Variants in DAAM2 observed in about 807,000 individuals in gnomAD.
DAAM2 encodes dishevelled associated activator of morphogenesis 2.
In DAAM2, 39 loss-of-function variants were observed where a neutral mutation model predicts 120.7. The observed-to-expected ratio is 0.32, with a 90% CI of 0.25 to 0.42. DAAM2 has a LOEUF of 0.42. Among genes scored for constraint, DAAM2 ranks in the 10% least tolerant of loss-of-function variants. DAAM2 has a pLI of 1.00. For missense variants in DAAM2, 1,283 were observed against 1,401.7 expected (o/e 0.92, Z 1.35); for synonymous variants, 488 against 524.9 (o/e 0.93, Z 0.96).
chr6:39,799,919 G>A (rs993342148), intron 1 of DAAM2, among the ~76,000 whole-genome samples: 1 of 152,158 alleles, frequency 6.6e-6, no homozygotes, highest in Non-Finnish European at 1.5e-5. Context: ...CAGGATGGAG[G>A]TATTTTGCCT....
chr6:39,804,373 G>A (rs1761949351), intron 1 of DAAM2, among the ~76,000 whole-genome samples: 1 of 140,304 alleles, frequency 7.1e-6, no homozygotes, highest in Non-Finnish European at 1.5e-5. Flanking sequence ...CTTGTTGACT[G>A]TATGTATCAA....
rs2149383698 is a variant in DAAM2 at position 39,901,367 on chromosome 6, C to T, written c.2877C>T (p.Gly959=). ...AGATGCAGCCAGACGAATTCTTTGG[C>T]ATCTTTGATACCTTCTTGCAGGCCT... The part of the protein sequence containing the change: ...DSKMQPDEFF[G]IFDTFLQAFS... Residue 959 remains glycine (G), a synonymous_variant, in exon 24 of 25, where the codon GGC becomes GGT. Coordinates refer to ENST00000274867, the MANE Select transcript of DAAM2 (RefSeq NM_001201427.2). The surrounding 1 kb of genome is among the most constrained non-coding windows in gnomAD (Gnocchi z 4.5). 1 of 1,613,958 alleles carries T rather than the reference C, an allele frequency of 6.2e-7. No individual in the cohort carries two copies. The highest frequency in any genetic ancestry group is 2.2e-5 in the East Asian group (1 of 44,870).
rs911665250 is a variant in DAAM2 at position 39,900,145 on chromosome 6, C to T, written c.2748C>T (p.Phe916=). 1.2e-6 allele frequency: 2 copies of T among 1,604,558 alleles called. No individual in the cohort carries two copies. The highest frequency in any genetic ancestry group is 1.3e-5 in the African/African-American group (1 of 74,714). ...AGTTTGTCCCTGTCATGAGCGACTT[C>T]ATCACGGTGTCCAGCTTCAGCTTCT... ...SDKFVPVMSD[F]ITVSSFSFSE... is the part of the protein sequence containing the mutation. The change falls in exon 23 of 25, where the codon TTC becomes TTT. Residue 916 remains phenylalanine (F), a synonymous_variant. Transcript: ENST00000274867.
chr6:39,832,534 T>G (rs1301608595), intron 1 of DAAM2, among the ~76,000 whole-genome samples: 1 of 152,138 alleles, frequency 6.6e-6, no homozygotes, highest in African/African-American at 2.4e-5. Context: ...AAGTAATTGA[T>G]TCTTATAATG....
chr6:39,876,373 T>G (rs1278971491), intron 11 of DAAM2, among the ~76,000 whole-genome samples: 1 of 152,214 alleles, frequency 6.6e-6, no homozygotes, highest in African/African-American at 2.4e-5. Flanking sequence ...TTCATTTGCA[T>G]AGTCAGATAT....
At chr6:39,870,750 G>A (rs1764627302) in intron 8 of DAAM2, among the ~76,000 whole-genome samples, 2 of 152,190 alleles carry the variant, frequency 1.3e-5, no homozygotes, top group South Asian at 4.1e-4. Context: ...TTGATGGTGG[G>A]CAATACTGGT....
chr6:39,879,600 G>C (rs1329269672), intron 14 of DAAM2, 123 bp downstream of exon 14: 1 of 1,307,364 alleles, frequency 7.6e-7, no homozygotes, highest in South Asian at 1.2e-5. Flanking sequence ...GGGGGTAAGG[G>C]CAGTCATGTG....
In DAAM2 at chr6:39,856,431, G is replaced by T. The variant is rs370984960; in HGVS notation, c.129G>T (p.Pro43=). 5 of 1,495,360 alleles carry T rather than the reference G, an allele frequency of 3.3e-6. No individual in the cohort carries two copies. In the Admixed American group the frequency reaches 7.0e-5, roughly 21 times the overall value. The allele number at this position is 1,495,360 out of a possible 1,614,324, so 92.6% of individuals were successfully genotyped here. ...LQFMEFSSPI[P]NAEELNIRFA... is the part of the protein sequence containing the mutation. ...TCATGGAGTTCTCCAGCCCCATCCC[G>T]AACGCAGAGGAGCTCAACATCCGCT... The change falls in exon 2 of 25, where the codon CCG becomes CCT. Residue 43 remains proline (P), a synonymous_variant. Transcript: ENST00000274867.
intron 22 of DAAM2, among the ~76,000 whole-genome samples, chr6:39,899,353 G>A (rs147428355): frequency 9.4e-4 from 143 of 152,308 alleles, no homozygotes; most frequent in Non-Finnish European, 1.8e-3. Context: ...GGAGGACCCA[G>A]GTCTTTTGTT....
chr6:39,901,258 T>C lies in DAAM2; in HGVS notation c.2812-44T>C. 1 of 1,564,160 alleles carries C rather than the reference T, an allele frequency of 6.4e-7. No homozygotes were observed. On this transcript the variant is annotated intron_variant, in intron 23 of 24. Transcript: ENST00000274867. The surrounding 1 kb of genome is among the most constrained non-coding windows in gnomAD (Gnocchi z 4.5). ...CTAACCTCAGGGGCTGAGCCCAGCA[T>C]GCTCCAGGGCACTCTCCACCAATCC...
intron 1 of DAAM2, among the ~76,000 whole-genome samples, chr6:39,826,552 T>C (rs1762680649): frequency 6.6e-6 from 1 of 152,198 alleles, no homozygotes; most frequent in Non-Finnish European, 1.5e-5. Flanking sequence ...ATAGCTCCCC[T>C]TTCCTGGAGA....
At chr6:39,815,636 C>T (rs543521502) in intron 1 of DAAM2, among the ~76,000 whole-genome samples, 7 of 132,524 alleles carry the variant, frequency 5.3e-5, no homozygotes, top group African/African-American at 2.0e-4. Flanking sequence ...TGGAATTACT[C>T]CCATACCCCT....
At chr6:39,801,868 A>G (rs1273985793) in intron 1 of DAAM2, among the ~76,000 whole-genome samples, 1 of 152,194 alleles carries the variant, frequency 6.6e-6, no homozygotes, top group Non-Finnish European at 1.5e-5. Context: ...CCTGCCTCCA[A>G]GTTCCCTTGA....
intron 1 of DAAM2, among the ~76,000 whole-genome samples, chr6:39,829,793 T>C (rs1762809900): frequency 6.6e-6 from 1 of 152,162 alleles, no homozygotes; most frequent in African/African-American, 2.4e-5. Flanking sequence ...TGCTTGAAGA[T>C]TGGGAGGATG....
chr6:39,891,536 G>A lies in DAAM2; in HGVS notation c.2252+89G>A, dbSNP rs984642141. 2.7e-6 allele frequency: 4 copies of A among 1,509,250 alleles called. No individual in the cohort carries two copies. In the African/African-American group the frequency reaches 4.1e-5, roughly 16 times the overall value. The allele number at this position is 1,509,250 out of a possible 1,614,324, so 93.5% of individuals were successfully genotyped here. On this transcript the variant is annotated intron_variant, in intron 18 of 24. Coordinates refer to ENST00000274867, the MANE Select transcript of DAAM2 (RefSeq NM_001201427.2). Reference sequence around the variant, plus strand: ...CTCTGCCAAGAGGAAGGGGATGGAGGTGGGCAGGCTTGAGAGGAGACTGGA... The same window carrying A: ...CTCTGCCAAGAGGAAGGGGATGGAGATGGGCAGGCTTGAGAGGAGACTGGA...
At chr6:39,821,910 T>C (rs2114136048) in intron 1 of DAAM2, 1 of 152,410 alleles carries the variant, frequency 6.6e-6, no homozygotes, top group East Asian at 1.9e-4. Context: ...CTCTTCTTCC[T>C]ATAGGGTCAG....
chr6:39,793,704 G>A (rs1249588589), intron 1 of DAAM2, among the ~76,000 whole-genome samples: 1 of 152,180 alleles, frequency 6.6e-6, no homozygotes, highest in Non-Finnish European at 1.5e-5. Context: ...GGCCTAGGGC[G>A]GAAAGTGTGC....
At chr6:39,855,209 C>A (rs1013690108) in intron 1 of DAAM2, among the ~76,000 whole-genome samples, 2 of 152,088 alleles carry the variant, frequency 1.3e-5, no homozygotes, top group Non-Finnish European at 2.9e-5. Context: ...TTGTCAGGAA[C>A]GAGTGGTTGA....
chr6:39,865,616 T>C (rs1764398525), intron 5 of DAAM2, among the ~76,000 whole-genome samples: 1 of 152,172 alleles, frequency 6.6e-6, no homozygotes, highest in African/African-American at 2.4e-5. Flanking sequence ...CCACAACGTG[T>C]GGGGCCCAAA....
Sources: gnomAD v4.1 joint callset for allele counts (sites outside exome capture counted in the v4.1 genomes callset) on GRCh38, gnomAD v4.1.1 for gene constraint, Gnocchi (gnomAD v3.1) non-coding constraint, MANE v1.5 for transcripts, NCBI Gene and HGNC (gene_info 2026-07-23, HGNC 2026-07-21) for gene names.